VPS35L: variants seen among roughly 807,000 people sequenced by gnomAD.
VPS35L encodes the protein VPS35 endosomal protein-sorting factor-like.
A neutral mutation model predicts 133.0 loss-of-function variants in VPS35L; 83 were observed. The observed-to-expected ratio is 0.62, with a 90% CI of 0.52 to 0.75. The LOEUF is 0.75. Ranked by LOEUF, VPS35L falls within the 30% of genes least tolerant of loss-of-function variation. The pLI is 0.00. For synonymous variants in VPS35L, 423 were observed against 449.9 expected, an observed-to-expected ratio of 0.94 and a Z score of 0.76; for missense variants, 1,083 against 1,206.8, an observed-to-expected ratio of 0.90 and a Z score of 1.52.
rs1359925378 is a variant in VPS35L, at chr16:19,604,511, A to G, written c.784+2788A>G. Among the ~76,000 whole-genome samples, 5 of 152,036 alleles carry G rather than the reference A, an allele frequency of 3.3e-5. No homozygotes were observed. In the South Asian group the frequency reaches 6.2e-4, roughly 19 times the overall value. ...GATTTGGTTTTTTTTTCTTTAAATGATATCATTGTTTGTTTTCCTTTTAGC... is the reference window on the plus strand; with the variant it reads ...GATTTGGTTTTTTTTTCTTTAAATGGTATCATTGTTTGTTTTCCTTTTAGC... On this transcript the variant is annotated intron_variant, in intron 9 of 30. Transcript: ENST00000417362.
chr16:19,651,377 G>T (rs1457157444), intron 25 of VPS35L, among the ~76,000 whole-genome samples: 2 of 151,286 alleles, frequency 1.3e-5, no homozygotes, highest in South Asian at 2.1e-4. Flanking sequence ...TAATTTTTTT[G>T]TTTTTTGTAG....
intron 18 of VPS35L, among the ~76,000 whole-genome samples, chr16:19,630,987 C>G (rs72767577): frequency 0.21 from 31,770 of 151,720 alleles, 4,002 homozygotes; most frequent in Non-Finnish European, 0.28. Flanking sequence ...CCAGCCAGAG[C>G]GACAGAGTGA....
At chr16:19,627,243 A>G (rs1212803195) in intron 15 of VPS35L, among the ~76,000 whole-genome samples, 1 of 151,510 alleles carries the variant, frequency 6.6e-6, no homozygotes, top group Admixed American at 6.6e-5. Context: ...AGATCGTGAC[A>G]CTACTCCAGC....
At chr16:19,660,731 G>C (rs1974455954) in intron 26 of VPS35L, among the ~76,000 whole-genome samples, 1 of 152,072 alleles carries the variant, frequency 6.6e-6, no homozygotes, top group South Asian at 2.1e-4. Flanking sequence ...ATCATGTATT[G>C]AGGGTGTTTG....
rs1224517295 is a variant in VPS35L at position 19,590,635 on chromosome 16, C to T, written c.640-1155C>T. 3.3e-5 allele frequency among the ~76,000 whole-genome samples: 5 copies of T among 152,150 alleles called. No homozygotes were observed. In the East Asian group the frequency reaches 5.8e-4, roughly 18 times the overall value. ...AAAGTCCTGAACGCTAAATAGCAGA[C>T]GAGTACTCAAAAAAAGAGTTCTGAA... On this transcript the variant is annotated intron_variant, in intron 7 of 30. Coordinates refer to ENST00000417362, the MANE Select transcript of VPS35L (RefSeq NM_020314.7).
intron 14 of VPS35L, chr16:19,617,239 TC>T (rs1304456274): frequency 2.2e-5 from 8 of 362,896 alleles, no homozygotes; most frequent in African/African-American, 1.4e-4. Context: ...ATGCCTATAG[TC>T]CCAGCTACTC....
At chr16:19,634,399 G>A (rs1193129629) in intron 19 of VPS35L, among the ~76,000 whole-genome samples, 4 of 145,630 alleles carry the variant, frequency 2.7e-5, no homozygotes, top group African/African-American at 7.7e-5. Context: ...CAGCCCGGGT[G>A]AGAGAGAGAC....
At chr16:19,598,497 A>G (rs1434598850) in intron 8 of VPS35L, among the ~76,000 whole-genome samples, 2 of 152,174 alleles carry the variant, frequency 1.3e-5, no homozygotes, top group African/African-American at 4.8e-5. Flanking sequence ...AAAATATGAA[A>G]GTGAGGCCCA....
intron 27 of VPS35L, among the ~76,000 whole-genome samples, chr16:19,676,082 T>C (rs1403579985): frequency 6.6e-6 from 1 of 152,074 alleles, no homozygotes; most frequent in Non-Finnish European, 1.5e-5. Context: ...CAAAACCCCA[T>C]TTCTACTAAA....
intron 29 of VPS35L, among the ~76,000 whole-genome samples, chr16:19,698,065 C>G (rs1975977438): frequency 1.3e-5 from 2 of 152,220 alleles, no homozygotes; most frequent in African/African-American, 4.8e-5. Flanking sequence ...GGTGAGAAGT[C>G]AGTGCTAGCT....
At chr16:19,630,517 G>A (rs961167570) in intron 18 of VPS35L, among the ~76,000 whole-genome samples, 2 of 151,702 alleles carry the variant, frequency 1.3e-5, no homozygotes, top group African/African-American at 4.8e-5. Context: ...TGTGTTTTTA[G>A]TAGAGACAGG....
chr16:19,699,349 G>A lies in VPS35L; in HGVS notation c.2647-153G>A. The A allele has an allele frequency of 1.1e-6, 1 of 892,050 alleles. No individual in the cohort carries two copies. 55.3% of individuals were successfully genotyped at this position (892,050 alleles called of 1,614,324 possible). A position where few individuals can be genotyped will look rare whatever the true frequency, so the allele number is the denominator to read the frequency against. ...ACAGATGAAGCAGCTGGGACTTTGG[G>A]AGGTTCAGCAGCTTGCCCTACAGCA... On this transcript the variant is annotated intron_variant, in intron 29 of 30. Transcript: ENST00000417362. The surrounding 1 kb of genome is among the most constrained non-coding windows in gnomAD (Gnocchi z 4.2).
chr16:19,635,733 C>T (rs1212850320), intron 19 of VPS35L, among the ~76,000 whole-genome samples: 1 of 152,118 alleles, frequency 6.6e-6, no homozygotes, highest in Non-Finnish European at 1.5e-5. Flanking sequence ...GCAATCTACT[C>T]TCATATAGTT....
At chr16:19,621,671 T>C (rs574085406) in intron 14 of VPS35L, among the ~76,000 whole-genome samples, 1 of 152,254 alleles carries the variant, frequency 6.6e-6, no homozygotes, top group Non-Finnish European at 1.5e-5. Context: ...TAATCAATTC[T>C]GTCACTTCTT....
chr16:19,641,547 T>C (rs1449048285), intron 21 of VPS35L, among the ~76,000 whole-genome samples: 1 of 152,224 alleles, frequency 6.6e-6, no homozygotes, highest in Non-Finnish European at 1.5e-5. Context: ...TTGATATTGC[T>C]CAAATGTTTT....
chr16:19,631,337 T>G (rs1973450004), intron 18 of VPS35L, among the ~76,000 whole-genome samples: 1 of 152,062 alleles, frequency 6.6e-6, no homozygotes, highest in African/African-American at 2.4e-5. Context: ...AAATAGGAAA[T>G]AAGTGACCCC....
intron 26 of VPS35L, among the ~76,000 whole-genome samples, chr16:19,660,899 C>A (rs997166901): frequency 1.3e-5 from 2 of 152,082 alleles, no homozygotes; most frequent in African/African-American, 4.8e-5. Flanking sequence ...TAAAAGTCTC[C>A]AATAATATGC....
At chr16:19,640,539 G>C (rs558441436) in intron 21 of VPS35L, among the ~76,000 whole-genome samples, 2 of 152,164 alleles carry the variant, frequency 1.3e-5, no homozygotes, top group Non-Finnish European at 2.9e-5. Context: ...TACGAAGAAG[G>C]CACCGGTGCT....
chr16:19,585,033 A>G (rs1971821119), intron 7 of VPS35L, among the ~76,000 whole-genome samples: 1 of 152,106 alleles, frequency 6.6e-6, no homozygotes, highest in South Asian at 2.1e-4. Flanking sequence ...TTTCTTTAGC[A>G]TAATATGTTT....
Sources: allele counts gnomAD v4.1 joint callset (sites outside exome capture counted in the v4.1 genomes callset), GRCh38; gene constraint gnomAD v4.1.1; non-coding constraint Gnocchi (gnomAD v3.1); transcripts MANE v1.5; gene names NCBI Gene and HGNC (gene_info 2026-07-23, HGNC 2026-07-21).